The following RNF11 variants were observed in gnomAD, a reference collection of about 807,000 sequenced individuals.
RNF11 encodes the protein ring finger protein 11.
A neutral mutation model predicts 15.8 loss-of-function variants in RNF11; 4 were observed. That is an observed-to-expected ratio of 0.25 (90% CI 0.12 to 0.58). The LOEUF (loss-of-function observed/expected upper bound fraction) is 0.58, where lower values mean the gene tolerates loss of function less well. RNF11 is among the 20% of genes least tolerant of loss of function. The pLI, the probability that RNF11 is intolerant of heterozygous loss-of-function variation, is 0.91. For synonymous variants in RNF11, 68 were observed against 72.3 expected (o/e 0.94, Z 0.30); for missense variants, 139 against 194.4 (o/e 0.71, Z 1.70).
At chr1:51,238,446 G>A (rs1292881864) in intron 1 of RNF11, among the ~76,000 whole-genome samples, 2 of 152,192 alleles carry the variant, frequency 1.3e-5, no homozygotes, top group African/African-American at 4.8e-5. Context: ...CAGTAACTGG[G>A]AGATAAATTA....
intron 1 of RNF11, among the ~76,000 whole-genome samples, chr1:51,258,494 G>A (rs906395536): frequency 6.6e-6 from 1 of 152,194 alleles, no homozygotes; most frequent in Non-Finnish European, 1.5e-5. Flanking sequence ...AGAGGAATGA[G>A]ATACTGGAAT....
intron 1 of RNF11, among the ~76,000 whole-genome samples, chr1:51,265,754 T>C (rs936546353): frequency 1.3e-5 from 2 of 152,188 alleles, no homozygotes; most frequent in Admixed American, 6.5e-5. Flanking sequence ...ATGAGATGTC[T>C]ATCTCCAGTG....
intron 1 of RNF11, among the ~76,000 whole-genome samples, chr1:51,265,670 G>C (rs1646951800): frequency 6.6e-6 from 1 of 152,150 alleles, no homozygotes; most frequent in Admixed American, 6.6e-5. Flanking sequence ...ATGGTAGTTA[G>C]GTAAGACTGT....
intron 1 of RNF11, among the ~76,000 whole-genome samples, chr1:51,266,345 A>C (rs1421600206): frequency 6.6e-6 from 1 of 152,080 alleles, no homozygotes; most frequent in East Asian, 1.9e-4. Flanking sequence ...GGTGTAATTT[A>C]TATCAAGTTT....
At chr1:51,263,667 A>G (rs1646940752) in intron 1 of RNF11, among the ~76,000 whole-genome samples, 4 of 152,218 alleles carry the variant, frequency 2.6e-5, no homozygotes, top group Admixed American at 2.6e-4. Context: ...AATAATGCTT[A>G]TCTATGAAAT....
rs1646978326 is a variant in RNF11 at position 51,271,462 on chromosome 1, T to G, written c.*140T>G. On this transcript the variant is annotated 3_prime_UTR_variant, in exon 3 of 3. Transcript: ENST00000242719. ...TAAAATTCCTGGATGGCTGCAGATG[T>G]TGGGGGAAAAAGTACGTGATATTTT... The G allele has an allele frequency of 1.6e-6, 1 of 629,662 alleles. No individual in the cohort carries two copies. The highest frequency in any genetic ancestry group is 2.6e-6 in the Non-Finnish European group (1 of 380,802). The allele number at this position is 629,662 out of a possible 1,614,324, so 39.0% of individuals were successfully genotyped here.
chr1:51,247,021 G>A (rs1226187096), intron 1 of RNF11, among the ~76,000 whole-genome samples: 1 of 150,664 alleles, frequency 6.6e-6, no homozygotes, highest in Non-Finnish European at 1.5e-5. Context: ...GCTGTAAACA[G>A]TTGATTCCTT....
chr1:51,262,546 T>TTTTG lies in RNF11; in HGVS notation c.124-7393_124-7390dup, dbSNP rs372272147. On this transcript the variant is annotated intron_variant, in intron 1 of 2. Transcript: ENST00000242719. ...GATGCAAGAAAATATTTGGGCTTTTTTTTGTTTGTTTGTTTGTTTGAGACA... is the reference window on the plus strand; with the variant it reads ...GATGCAAGAAAATATTTGGGCTTTTTTTTGTTTGTTTGTTTGTTTGTTTGAGACA... 7.8e-4 allele frequency among the ~76,000 whole-genome samples: 119 copies of TTTTG among 152,074 alleles called. 1 individual carries two copies. Among genetic ancestry groups the TTTTG allele is most frequent in the African/African-American group, 2.3e-3 (94 of 41,490 alleles).
In RNF11 at chr1:51,264,287, AATATATATATATATATATATAT is replaced by A. The variant is rs1162466435; in HGVS notation, c.124-5659_124-5638del. ...AAAAAAAAAAAAAAAAAAAAAAAAA[AATATATATATATATATATATAT>A]ATATATATACACACACACACACACA... On this transcript the variant is annotated intron_variant, in intron 1 of 2. Transcript: ENST00000242719. 8.0e-4 allele frequency among the ~76,000 whole-genome samples: 26 copies of A among 32,530 alleles called. 1 individual carries two copies. Among genetic ancestry groups the A allele is most frequent in the African/African-American group, 2.3e-3 (22 of 9,582 alleles). 21.3% of individuals were successfully genotyped at this position (32,530 alleles called of 152,430 possible).
chr1:51,254,370 C>T (rs1646894724), intron 1 of RNF11, among the ~76,000 whole-genome samples: 1 of 152,154 alleles, frequency 6.6e-6, no homozygotes, highest in South Asian at 2.1e-4. Context: ...TTACTGCAAC[C>T]TCTGCCTCCC....
chr1:51,236,766 T>C lies in RNF11; in HGVS notation c.10T>C (p.Cys4Arg). The C allele has an allele frequency of 6.2e-7, 1 of 1,613,326 alleles. No homozygotes were observed. Among genetic ancestry groups the C allele is most frequent in the Non-Finnish European group, 8.5e-7 (1 of 1,179,696 alleles). Residue 4 changes from cysteine to arginine, a missense_variant, in exon 1 of 3, where the codon TGC becomes CGC. Coordinates refer to ENST00000242719, the MANE Select transcript of RNF11 (RefSeq NM_014372.5). MGN[C>R]LKSPTSDDIS... ...ACCCCAGCTCCGGAAGATGGGGAAC[T>C]GCCTCAAATCCCCCACCTCGGATGA...
intron 1 of RNF11, among the ~76,000 whole-genome samples, chr1:51,252,557 G>A (rs1199622208): frequency 6.6e-6 from 1 of 152,064 alleles, no homozygotes; most frequent in Non-Finnish European, 1.5e-5. Context: ...GGAGGTTGCA[G>A]TATGCCAAGA....
intron 1 of RNF11, among the ~76,000 whole-genome samples, chr1:51,252,914 C>T (rs1646886866): frequency 6.6e-6 from 1 of 151,654 alleles, no homozygotes; most frequent in Non-Finnish European, 1.5e-5. Flanking sequence ...GCAACCTCCA[C>T]CTCCCAGGTT....
intron 1 of RNF11, chr1:51,251,444 C>A (rs557863988): frequency 2.1e-5 from 17 of 794,384 alleles, no homozygotes; most frequent in East Asian, 1.1e-4. Context: ...CTCCGGGCCC[C>A]CCCCCGCTGC....
At chr1:51,266,410 T>TA (rs1431947232) in intron 1 of RNF11, among the ~76,000 whole-genome samples, 3 of 152,110 alleles carry the variant, frequency 2.0e-5, no homozygotes, top group African/African-American at 7.2e-5. Flanking sequence ...TTTCTTTTTT[T>TA]TTTCTTTTTG....
intron 1 of RNF11, among the ~76,000 whole-genome samples, chr1:51,248,727 C>T (rs962404148): frequency 6.6e-6 from 1 of 152,072 alleles, no homozygotes; most frequent in African/African-American, 2.4e-5. Context: ...TACTTTTTAG[C>T]TTCTGTATCC....
intron 1 of RNF11, among the ~76,000 whole-genome samples, chr1:51,254,209 T>G (rs1646894098): frequency 6.6e-6 from 1 of 151,492 alleles, no homozygotes; most frequent in Non-Finnish European, 1.5e-5. Flanking sequence ...AGGTTATAGT[T>G]TTTTTTTTAA....
chr1:51,244,902 A>G (rs1362127231), intron 1 of RNF11, among the ~76,000 whole-genome samples: 1 of 152,218 alleles, frequency 6.6e-6, no homozygotes, highest in African/African-American at 2.4e-5. Context: ...AGAGCTAATT[A>G]TAGGGTAACT....
intron 1 of RNF11, among the ~76,000 whole-genome samples, chr1:51,258,785 G>C (rs1046382882): frequency 6.6e-6 from 1 of 152,112 alleles, no homozygotes; most frequent in Non-Finnish European, 1.5e-5. Context: ...TAGGCAATCT[G>C]TGCTCTCTGT....
Sources: gnomAD v4.1 joint callset for allele counts (sites outside exome capture counted in the v4.1 genomes callset) on GRCh38, gnomAD v4.1.1 for gene constraint, MANE v1.5 for transcripts, NCBI Gene and HGNC (gene_info 2026-07-23, HGNC 2026-07-21) for gene names.